Variants in PIGN observed in about 807,000 individuals in gnomAD.
PIGN encodes the protein phosphatidylinositol glycan anchor biosynthesis class N, also known as GPI ethanolamine phosphate transferase 1.
In PIGN, 117 loss-of-function variants were observed where a neutral mutation model predicts 125.4. The observed-to-expected ratio is 0.93, with a 90% confidence interval of 0.80 to 1.09. The LOEUF (loss-of-function observed/expected upper bound fraction) is 1.09, where lower values mean the gene tolerates loss of function less well. PIGN is among the 50% of genes least tolerant of loss of function. The probability of loss-of-function intolerance (pLI) is 0.00; values close to 1 mark genes in which losing one functional copy is unlikely to be tolerated. For missense variants in PIGN, 1,075 were observed against 1,094.9 expected, an observed-to-expected ratio of 0.98 and a Z score of 0.26; for synonymous variants, 392 against 377.8, an observed-to-expected ratio of 1.04 and a Z score of -0.44.
chr18:62,082,895 A>G, intron 27 of PIGN, 149 bp from the exon 28 acceptor site: 1 of 561,612 alleles, frequency 1.8e-6, no homozygotes, highest in South Asian at 2.6e-5. Flanking sequence ...AAATAAAAGC[A>G]TGATACCAAT....
chr18:62,062,882 CTTTTTTTTTTTT>C lies in PIGN; in HGVS notation c.2672+9779_2672+9790del, dbSNP rs71160811. Among the ~76,000 whole-genome samples the C allele has an allele frequency of 2.7e-3, 57 of 21,070 alleles. 1 individual carries two copies. Among genetic ancestry groups the C allele is most frequent in the Non-Finnish European group, 3.8e-3 (48 of 12,686 alleles). 13.8% of individuals were successfully genotyped at this position (21,070 alleles called of 152,430 possible). A position where few individuals can be genotyped will look rare whatever the true frequency, so the allele number is the denominator to read the frequency against. On this transcript the variant is annotated intron_variant, in intron 30 of 30. Coordinates refer to ENST00000640252, the MANE Select transcript of PIGN (RefSeq NM_176787.5). ...ATTTGTTTTATGCTTTTGTATTCTG[CTTTTTTTTTTTT>C]TTTTTTTTTTTTTTTTTTGCTGTTG...
chr18:62,119,766 C>G (rs933769102), intron 14 of PIGN, among the ~76,000 whole-genome samples: 1 of 151,094 alleles, frequency 6.6e-6, no homozygotes, highest in Admixed American at 6.6e-5. Context: ...ATTGCTTGAA[C>G]CTGAGAGGCA....
At chr18:62,083,398 T>C (rs1286099752) in intron 27 of PIGN, among the ~76,000 whole-genome samples, 1 of 152,114 alleles carries the variant, frequency 6.6e-6, no homozygotes, top group African/African-American at 2.4e-5. Context: ...TATATATAAC[T>C]TGATGTTTCA....
chr18:62,135,405 C>T (rs2035887862), intron 14 of PIGN, among the ~76,000 whole-genome samples: 1 of 151,802 alleles, frequency 6.6e-6, no homozygotes, highest in African/African-American at 2.4e-5. Context: ...AGTGGGTGAA[C>T]CAGTACATGG....
intron 1 of PIGN, among the ~76,000 whole-genome samples, chr18:62,173,311 A>C (rs1316698757): frequency 1.3e-5 from 2 of 152,170 alleles, no homozygotes; most frequent in African/African-American, 4.8e-5. Context: ...GGAGTGCAAC[A>C]GCACAATTTC....
chr18:62,112,155 C>G (rs17642045), intron 16 of PIGN, among the ~76,000 whole-genome samples: 1 of 151,996 alleles, frequency 6.6e-6, no homozygotes, highest in Non-Finnish European at 1.5e-5. Context: ...TGCCTAGATA[C>G]AATTCCCATT....
chr18:62,179,944 TCAAA>T (rs2037659365), intron 1 of PIGN, among the ~76,000 whole-genome samples: 1 of 152,238 alleles, frequency 6.6e-6, no homozygotes, highest in Admixed American at 6.5e-5. Context: ...ATAAATGATC[TCAAA>T]CATTCAAGAC....
At chr18:62,023,806 A>T (rs1032487171) in intron 23 of PIGN, among the ~76,000 whole-genome samples, 4 of 152,222 alleles carry the variant, frequency 2.6e-5, no homozygotes, top group African/African-American at 9.6e-5. Flanking sequence ...GTGACCAGTC[A>T]CTGATAGACT....
rs566971537 is a variant in PIGN at position 62,150,625 on chromosome 18, C to A, written c.550-2287G>T. On this transcript the variant is annotated intron_variant, in intron 7 of 30. Transcript: ENST00000640252. The stretch of plus-strand genomic sequence containing the variant: ...TATGATATAAGGTGCCTAGAGTAGT[C>A]AAATGCATAGAAATAGAAAGTAGAA... 1.4e-4 allele frequency among the ~76,000 whole-genome samples: 21 copies of A among 152,182 alleles called. No homozygotes were observed. In the East Asian group the frequency reaches 4.1e-3, roughly 29 times the overall value.
At chr18:62,089,689 A>G (rs1314284022) in intron 24 of PIGN, among the ~76,000 whole-genome samples, 1 of 152,146 alleles carries the variant, frequency 6.6e-6, no homozygotes, top group Non-Finnish European at 1.5e-5. Context: ...GCCTCAATAA[A>G]GTTTCTTCTT....
chr18:62,080,206 A>G (rs985983908), intron 28 of PIGN, among the ~76,000 whole-genome samples: 1 of 152,152 alleles, frequency 6.6e-6, no homozygotes, highest in Non-Finnish European at 1.5e-5. Context: ...GTATTTAATC[A>G]AACACAGAAC....
chr18:62,157,647 C>T, intron 5 of PIGN, 40 bp downstream of exon 5: 1 of 1,576,944 alleles, frequency 6.3e-7, no homozygotes, highest in Non-Finnish European at 8.6e-7. Context: ...ATTTACTTGA[C>T]AAATTTTTCA....
rs560101625 is a variant in PIGN, at chr18:62,163,558, A to C, written c.-137T>G. 1 of 152,326 alleles carries C rather than the reference A, an allele frequency of 6.6e-6. No individual in the cohort carries two copies. The highest frequency in any genetic ancestry group is 2.1e-4 in the South Asian group (1 of 4,826). The allele number at this position is 152,326 out of a possible 1,614,324, so 9.4% of individuals were successfully genotyped here. A position where few individuals can be genotyped will look rare whatever the true frequency, so the allele number is the denominator to read the frequency against. On this transcript the variant is annotated 5_prime_UTR_variant, in exon 2 of 31. Transcript: ENST00000640252. ...TCCAGGTTTATCATCATCTGTTCAA[A>C]AAGATTTAGCTTTTAAGGAACATCT...
intron 30 of PIGN, among the ~76,000 whole-genome samples, chr18:62,066,891 C>T (rs1253397138): frequency 2.0e-5 from 3 of 152,180 alleles, no homozygotes; most frequent in Admixed American, 2.0e-4. Flanking sequence ...TATAATCTCC[C>T]TCAAAGGGAG....
chr18:62,073,245 G>A (rs1354115669), intron 29 of PIGN, among the ~76,000 whole-genome samples: 1 of 151,006 alleles, frequency 6.6e-6, no homozygotes, highest in African/African-American at 2.4e-5. Context: ...GAAAATATAG[G>A]CAATTATAGA....
downstream of PIGN, among the ~76,000 whole-genome samples, chr18:62,036,245 G>A (rs1198197624): frequency 6.6e-6 from 1 of 151,548 alleles, no homozygotes; most frequent in East Asian, 1.9e-4. Context: ...TGTTGTTGTT[G>A]TTTTTTAAAT....
At chr18:62,023,088 A>G (rs1277736591) in intron 23 of PIGN, among the ~76,000 whole-genome samples, 1 of 152,072 alleles carries the variant, frequency 6.6e-6, no homozygotes, top group Non-Finnish European at 1.5e-5. Flanking sequence ...TTGATCCGCT[A>G]TTGGTTGAAT....
intron 25 of PIGN, among the ~76,000 whole-genome samples, chr18:62,085,849 T>G (rs1180746984): frequency 6.6e-6 from 1 of 152,256 alleles, no homozygotes; most frequent in Admixed American, 6.5e-5. Context: ...AAGAACTTAC[T>G]GCTAGCAAAG....
At chr18:62,160,245 T>C (rs1168658980) in intron 4 of PIGN, among the ~76,000 whole-genome samples, 1 of 152,234 alleles carries the variant, frequency 6.6e-6, no homozygotes, top group East Asian at 1.9e-4. Context: ...ATAACAGCAT[T>C]ACAAGGCCTT....
Sources: gnomAD v4.1 joint callset for allele counts (sites outside exome capture counted in the v4.1 genomes callset) on GRCh38, gnomAD v4.1.1 for gene constraint, MANE v1.5 for transcripts, NCBI Gene and HGNC (gene_info 2026-07-23, HGNC 2026-07-21) for gene names.